CHIC2: variants seen among roughly 807,000 people sequenced by gnomAD.
The protein encoded by CHIC2 is cysteine rich hydrophobic domain 2, also known as cysteine-rich hydrophobic domain-containing protein 2.
A neutral mutation model predicts 25.9 loss-of-function variants in CHIC2; 14 were observed. The observed-to-expected ratio is 0.54, with a 90% CI of 0.36 to 0.85. The LOEUF is 0.85. CHIC2 is among the 40% of genes least tolerant of loss of function. The probability of loss-of-function intolerance (pLI) is 0.01; values close to 1 mark genes in which losing one functional copy is unlikely to be tolerated. For missense variants in CHIC2, 146 were observed against 202.0 expected (o/e 0.72, Z 1.68); for synonymous variants, 70 against 72.0 (o/e 0.97, Z 0.14).
upstream of CHIC2, among the ~76,000 whole-genome samples, chr4:54,067,156 C>T (rs1299993338): frequency 6.6e-6 from 1 of 152,216 alleles, no homozygotes; most frequent in Non-Finnish European, 1.5e-5. Context: ...CTTATCTTCA[C>T]ACTGGCTGGA....
chr4:54,088,069 C>T, the CHIC2 span, among the ~76,000 whole-genome samples: 1 of 152,160 alleles, frequency 6.6e-6, no homozygotes, highest in Admixed American at 6.5e-5. Context: ...GCTGGTGGTT[C>T]TACCCCTTTG....
the CHIC2 span, among the ~76,000 whole-genome samples, chr4:54,082,308 C>G: frequency 6.6e-6 from 1 of 152,212 alleles, no homozygotes; most frequent in Non-Finnish European, 1.5e-5. Flanking sequence ...GATTCTGACT[C>G]AGACTGGGAA....
the CHIC2 span, among the ~76,000 whole-genome samples, chr4:54,080,449 C>A: frequency 1.3e-5 from 2 of 151,708 alleles, no homozygotes; most frequent in Non-Finnish European, 2.9e-5. Context: ...AGGGTACAAA[C>A]TTTCTGTTGA....
intron 1 of CHIC2, chr4:54,059,831 T>C (rs1033344751): frequency 2.6e-5 from 4 of 152,150 alleles, no homozygotes; most frequent in African/African-American, 7.2e-5. Flanking sequence ...CTGGACACTA[T>C]ATTAAATAGT....
At chr4:54,088,750 G>C in the CHIC2 span, among the ~76,000 whole-genome samples, 2 of 152,214 alleles carry the variant, frequency 1.3e-5, no homozygotes, top group Non-Finnish European at 2.9e-5. Context: ...AATGAACCCA[G>C]TCATCCCTAT....
chr4:54,051,000 A>T (rs1057037696), intron 1 of CHIC2, among the ~76,000 whole-genome samples: 4 of 152,030 alleles, frequency 2.6e-5, no homozygotes, highest in African/African-American at 7.2e-5. Flanking sequence ...CCTCCATCTA[A>T]TTCAGCAACC....
chr4:54,075,377 G>A, the CHIC2 span, among the ~76,000 whole-genome samples: 1 of 152,140 alleles, frequency 6.6e-6, no homozygotes. Context: ...TAGTCTTGGA[G>A]AAACAAAATA....
the CHIC2 span, among the ~76,000 whole-genome samples, chr4:54,077,015 C>T: frequency 4.6e-5 from 7 of 152,174 alleles, no homozygotes; most frequent in Non-Finnish European, 8.8e-5. Context: ...GTTAACTCAA[C>T]AATTGTCATC....
intron 5 of CHIC2, among the ~76,000 whole-genome samples, chr4:54,010,781 C>T (rs1046860429): frequency 6.6e-6 from 1 of 152,076 alleles, no homozygotes; most frequent in Non-Finnish European, 1.5e-5. Flanking sequence ...CTACATGAGT[C>T]TTCTCTAAGT....
At chr4:54,028,948 C>T (rs770415762) in intron 3 of CHIC2, among the ~76,000 whole-genome samples, 2 of 151,988 alleles carry the variant, frequency 1.3e-5, no homozygotes, top group African/African-American at 4.8e-5. Flanking sequence ...CATGGTGAAA[C>T]CCCGTCTCTA....
intron 1 of CHIC2, chr4:54,061,223 T>C (rs1011777938): frequency 1.3e-5 from 2 of 152,190 alleles, no homozygotes; most frequent in Non-Finnish European, 2.9e-5. Context: ...TGATTATGCC[T>C]AGAGACTAAC....
Position 54,037,168 on chromosome 4 carries a change from A to G in CHIC2, c.330+11787T>C, listed in dbSNP as rs114872685. On this transcript the variant is annotated intron_variant, in intron 3 of 5. Coordinates refer to ENST00000263921, the MANE Select transcript of CHIC2 (RefSeq NM_012110.4). Reference sequence around the variant, plus strand: ...CTGCTTGAGCTCAGGAGTTTGAGAGATGAAACCCTGTCTCTACCAAAAATA... The same window carrying G: ...CTGCTTGAGCTCAGGAGTTTGAGAGGTGAAACCCTGTCTCTACCAAAAATA... Among the ~76,000 whole-genome samples, 845 of 151,904 alleles carry G rather than the reference A, an allele frequency of 5.6e-3. 10 individuals are homozygous for G. Among genetic ancestry groups the G allele is most frequent in the African/African-American group, 0.019 (783 of 41,452 alleles).
At chr4:54,031,682 C>T (rs1716233238) in intron 3 of CHIC2, among the ~76,000 whole-genome samples, 1 of 135,084 alleles carries the variant, frequency 7.4e-6, no homozygotes. Flanking sequence ...TACAGTGGTG[C>T]CATCTCGGCT....
chr4:54,080,431 G>A, the CHIC2 span, among the ~76,000 whole-genome samples: 2 of 151,878 alleles, frequency 1.3e-5, no homozygotes, highest in Non-Finnish European at 2.9e-5. Flanking sequence ...ATGGGAAGAT[G>A]TTGGTTAAGG....
intron 3 of CHIC2, among the ~76,000 whole-genome samples, chr4:54,043,503 A>G: frequency 6.6e-6 from 1 of 152,142 alleles, no homozygotes; most frequent in African/African-American, 2.4e-5. Context: ...AATATTCAAC[A>G]TTCTTAAAGA....
At chr4:54,027,692 C>T (rs181255818) in intron 3 of CHIC2, among the ~76,000 whole-genome samples, 12 of 152,162 alleles carry the variant, frequency 7.9e-5, no homozygotes, top group Admixed American at 7.8e-4. Flanking sequence ...TAAAGAAAAC[C>T]CAGTTCTTTC....
intron 3 of CHIC2, among the ~76,000 whole-genome samples, chr4:54,019,853 G>C (rs1039038462): frequency 6.6e-6 from 1 of 151,426 alleles, no homozygotes; most frequent in Non-Finnish European, 1.5e-5. Flanking sequence ...GTGCAGGAAG[G>C]GTCTCCTTGA....
chr4:54,067,679 G>A (rs546003047), upstream of CHIC2, among the ~76,000 whole-genome samples: 1 of 152,102 alleles, frequency 6.6e-6, no homozygotes, highest in East Asian at 1.9e-4. Flanking sequence ...AGACCAAATG[G>A]CTCAAAACCA....
chr4:54,060,933 A>G (rs1480234098), intron 1 of CHIC2: 1 of 152,096 alleles, frequency 6.6e-6, no homozygotes, highest in Non-Finnish European at 1.5e-5. Flanking sequence ...TTTATCATTT[A>G]TTTTCCTTCC....
Sources: gnomAD v4.1 joint callset for allele counts (sites outside exome capture counted in the v4.1 genomes callset) on GRCh38, gnomAD v4.1.1 for gene constraint, MANE v1.5 for transcripts, NCBI Gene and HGNC (gene_info 2026-07-23, HGNC 2026-07-21) for gene names.